Variants in SPTLC2 observed in about 807,000 individuals in gnomAD.
SPTLC2 encodes serine palmitoyltransferase 2.
In SPTLC2, 21 loss-of-function variants were observed where a neutral mutation model predicts 62.0. The observed-to-expected ratio is 0.34, with a 90% CI of 0.24 to 0.49. The LOEUF is 0.49. Ranked by LOEUF, SPTLC2 falls within the 20% of genes least tolerant of loss-of-function variation. The probability of loss-of-function intolerance (pLI) is 0.99; values close to 1 mark genes in which losing one functional copy is unlikely to be tolerated. For missense variants in SPTLC2, 511 were observed against 713.0 expected, an observed-to-expected ratio of 0.72 and a Z score of 3.23; for synonymous variants, 261 against 261.8, an observed-to-expected ratio of 1.00 and a Z score of 0.03.
In SPTLC2 at chr14:77,584,320, T is replaced by C. The variant is rs536698507; in HGVS notation, c.328-5211A>G. ...ACTGTCCCTTTGTTAAGCATCATTC[T>C]GGTCCAACACAGATAGTCAAATATG... On this transcript the variant is annotated intron_variant, in intron 2 of 11. Transcript: ENST00000216484. 7.9e-5 allele frequency among the ~76,000 whole-genome samples: 12 copies of C among 152,316 alleles called. No homozygotes were observed. In the East Asian group the frequency reaches 2.3e-3, roughly 29 times the overall value.
At chr14:77,528,835 A>AT (rs1442541163) in intron 9 of SPTLC2, among the ~76,000 whole-genome samples, 2 of 151,686 alleles carry the variant, frequency 1.3e-5, no homozygotes, top group Admixed American at 1.3e-4. Context: ...TATTTTTGTT[A>AT]TTTTTTGTTT....
At chr14:77,614,430 C>T (rs191384012) in intron 1 of SPTLC2, among the ~76,000 whole-genome samples, 9 of 152,172 alleles carry the variant, frequency 5.9e-5, no homozygotes, top group Admixed American at 6.5e-5. Context: ...TCTGGGAGGC[C>T]GAGGCAGGCG....
At position 77,518,136 on chromosome 14, in the gene SPTLC2, T is replaced by C. The variant is rs998139249; in HGVS notation, c.1471A>G (p.Ile491Val). 5 of 1,614,002 alleles carry C rather than the reference T, an allele frequency of 3.1e-6. No individual in the cohort carries two copies. Among genetic ancestry groups the C allele is most frequent in the African/African-American group, 2.7e-5 (2 of 74,894 alleles). ...GGAAATCCAACCACAACGACACCGATGTTCCGCTTCAGCATCTCCCGTCCA... is the reference window on the plus strand; with the variant it reads ...GGAAATCCAACCACAACGACACCGACGTTCCGCTTCAGCATCTCCCGTCCA... ...AFGREMLKRN[I>V]GVVVVGFPAT... The change falls in exon 11 of 12, where the codon ATC becomes GTC. Residue 491 changes from isoleucine (I) to valine (V), a missense_variant. Ile to Val is a conservative substitution (Grantham distance 29). Transcript: ENST00000216484.
At chr14:77,529,166 T>C (rs1022788105) in intron 9 of SPTLC2, among the ~76,000 whole-genome samples, 15 of 152,046 alleles carry the variant, frequency 9.9e-5, no homozygotes, top group African/African-American at 2.4e-4. Flanking sequence ...AGTACACCTT[T>C]TCTCATATTT....
At chr14:77,517,920 C>T in intron 11 of SPTLC2, 118 bp downstream of exon 11, 1 of 1,503,268 alleles carries the variant, frequency 6.7e-7, no homozygotes, top group African/African-American at 1.4e-5. Context: ...AGCACTGTCA[C>T]CCCCTCTGTC....
In SPTLC2 at chr14:77,616,604, G is replaced by A; in HGVS notation, c.-25C>T. 1 of 1,536,238 alleles carries A rather than the reference G, an allele frequency of 6.5e-7. No homozygotes were observed. Among genetic ancestry groups the A allele is most frequent in the Non-Finnish European group, 8.7e-7 (1 of 1,146,962 alleles). On this transcript the variant is annotated 5_prime_UTR_variant, in exon 1 of 12. Coordinates refer to ENST00000216484, the MANE Select transcript of SPTLC2 (RefSeq NM_004863.4). ...TCTTCCTGGCAGCACCAGGCGCAAG[G>A]CAGGCTCTGTAGGCGGTGGCAGCGG...
At chr14:77,586,353 G>A (rs950568401) in intron 2 of SPTLC2, among the ~76,000 whole-genome samples, 1 of 152,078 alleles carries the variant, frequency 6.6e-6, no homozygotes, top group Admixed American at 6.5e-5. Flanking sequence ...TGGGATTACA[G>A]GTGTGAGCCA....
Position 77,506,097 on chromosome 14 carries a change from CA to C in SPTLC2, c.*6186del, listed in dbSNP as rs2079303545. 6.6e-6 allele frequency: 1 copy of C among 152,158 alleles called. No individual in the cohort carries two copies. Among genetic ancestry groups the C allele is most frequent in the Non-Finnish European group, 1.5e-5 (1 of 68,038 alleles). The allele number at this position is 152,158 out of a possible 1,614,324, so 9.4% of individuals were successfully genotyped here. ...CCCTTCAGTTCTTAACATGCACTCT[CA>C]AAATCAACACACCTACCCCAACCCA... On this transcript the variant is annotated 3_prime_UTR_variant, in exon 12 of 12. Coordinates refer to ENST00000216484, the MANE Select transcript of SPTLC2 (RefSeq NM_004863.4).
intron 9 of SPTLC2, among the ~76,000 whole-genome samples, chr14:77,540,827 A>AT (rs1457607392): frequency 6.6e-6 from 1 of 152,198 alleles, no homozygotes; most frequent in African/African-American, 2.4e-5. Context: ...TAATTATGGC[A>AT]TAAGTCCATA....
chr14:77,583,233 AT>A (rs1187484047), intron 2 of SPTLC2, among the ~76,000 whole-genome samples: 2 of 150,728 alleles, frequency 1.3e-5, no homozygotes, highest in African/African-American at 2.4e-5. Context: ...AAATAAATAA[AT>A]AAATAAAAAT....
chr14:77,581,330 T>C (rs2079748877), intron 2 of SPTLC2, among the ~76,000 whole-genome samples: 1 of 151,472 alleles, frequency 6.6e-6, no homozygotes, highest in South Asian at 2.1e-4. Flanking sequence ...AGCCTCCCAG[T>C]AGATAAATCT....
Position 77,552,209 on chromosome 14 carries a change from T to C in SPTLC2, c.1190A>G (p.Tyr397Cys). ...TGCACTATGAGAATGTGTTCGCAGG[T>C]AGTCTATCAGCTCCTGGGGAGTTCA... The part of the protein sequence containing the change: ...YIGGKKELID[Y>C]LRTHSHSAVY... The change falls in exon 9 of 12, where the codon TAC (tyrosine) becomes TGC (cysteine). Residue 397 changes from tyrosine to cysteine, a missense_variant. By Grantham distance (194) the Tyr-to-Cys change is radical (BLOSUM62 -2). Coordinates refer to ENST00000216484, the MANE Select transcript of SPTLC2 (RefSeq NM_004863.4). 3.1e-6 allele frequency: 5 copies of C among 1,614,118 alleles called. No homozygotes were observed. Among genetic ancestry groups the C allele is most frequent in the Non-Finnish European group, 4.2e-6 (5 of 1,180,016 alleles).
intron 9 of SPTLC2, among the ~76,000 whole-genome samples, chr14:77,525,895 C>T (rs200912234): frequency 2.4e-5 from 1 of 41,034 alleles, no homozygotes; most frequent in Non-Finnish European, 6.2e-5. Context: ...GCCTGGGTGA[C>T]AGAGACTCCA....
intron 5 of SPTLC2, among the ~76,000 whole-genome samples, chr14:77,567,329 T>C (rs1013187048): frequency 1.3e-5 from 2 of 152,232 alleles, no homozygotes; most frequent in East Asian, 1.9e-4. Flanking sequence ...AATCCTCTGA[T>C]AGAGCTTGTA....
intron 5 of SPTLC2, among the ~76,000 whole-genome samples, chr14:77,568,593 G>T (rs1401200314): frequency 1.3e-5 from 2 of 151,960 alleles, no homozygotes; most frequent in East Asian, 3.9e-4. Flanking sequence ...CAGATCATGA[G>T]GTCAGGAGAT....
intron 9 of SPTLC2, among the ~76,000 whole-genome samples, chr14:77,546,144 T>C (rs528071730): frequency 3.3e-5 from 5 of 152,354 alleles, no homozygotes; most frequent in African/African-American, 1.2e-4. Context: ...ACCTCAGAAG[T>C]AGAAGCAGAT....
Position 77,616,532 on chromosome 14 carries a change from C to G in SPTLC2, c.48G>C (p.Ala16=). 6.5e-7 allele frequency: 1 copy of G among 1,535,504 alleles called. No individual in the cohort carries two copies. ...GGCCCRRTVR[A]NGCVANGEVR... ...CTTCCCCGTTCGCCACGCAGCCATT[C>G]GCCCGCACCGTGCGGCGGCAGCAGC... The change falls in exon 1 of 12, where the codon GCG becomes GCC. Residue 16 remains alanine, a synonymous_variant. Transcript: ENST00000216484.
At position 77,515,072 on chromosome 14, in the gene SPTLC2, T is replaced by C. The variant is rs542288492; in HGVS notation, c.1570-2669A>G. Among the ~76,000 whole-genome samples the C allele has an allele frequency of 6.6e-5, 10 of 152,360 alleles. No homozygotes were observed. The South Asian group carries it at 1.7e-3, about 25-fold the overall frequency. On this transcript the variant is annotated intron_variant, in intron 11 of 11. Transcript: ENST00000216484. ...TCCCTTGTTGAAAACAAATTGGCCA[T>C]AGATGCTTGTGCTTTATTTCTGAAC...
intron 2 of SPTLC2, among the ~76,000 whole-genome samples, chr14:77,587,655 T>A (rs1446173604): frequency 6.6e-6 from 1 of 151,814 alleles, no homozygotes; most frequent in Non-Finnish European, 1.5e-5. Context: ...TAATCCCAGC[T>A]ACTCGGAAGG....
Sources: gnomAD v4.1 joint callset for allele counts (sites outside exome capture counted in the v4.1 genomes callset) on GRCh38, gnomAD v4.1.1 for gene constraint, MANE v1.5 for transcripts, NCBI Gene and HGNC (gene_info 2026-07-23, HGNC 2026-07-21) for gene names.